The following CLCN6 variants were observed in gnomAD, a reference collection of about 807,000 sequenced individuals.
CLCN6 encodes the protein Cl-/H+ antiporter 6, also known as H(+)/Cl(-) exchange transporter 6.
In CLCN6, 70 loss-of-function variants were observed where a neutral mutation model predicts 109.8. The ratio of observed to expected loss-of-function variants is 0.64; its 90% CI spans 0.53 to 0.78. The LOEUF (loss-of-function observed/expected upper bound fraction) is 0.78. Ranked by LOEUF, CLCN6 falls within the 30% of genes least tolerant of loss-of-function variation. CLCN6 has a pLI of 0.00. For synonymous variants in CLCN6, 444 were observed against 447.8 expected, an observed-to-expected ratio of 0.99 and a Z score of 0.11; for missense variants, 984 against 1,142.3, an observed-to-expected ratio of 0.86 and a Z score of 2.00.
intron 2 of CLCN6, among the ~76,000 whole-genome samples, chr1:11,813,671 G>A (rs974146612): frequency 1.3e-5 from 2 of 152,144 alleles, no homozygotes; most frequent in African/African-American, 2.4e-5. Flanking sequence ...AATTACAGAC[G>A]TGAGCCATCA....
chr1:11,826,944 G>C (rs1644819056), intron 9 of CLCN6, 145 bp from the exon 10 acceptor site: 4 of 946,500 alleles, frequency 4.2e-6, no homozygotes, highest in Admixed American at 2.9e-5. Context: ...CGCGGCAAAG[G>C]CTGCCTCACC....
intron 4 of CLCN6, among the ~76,000 whole-genome samples, chr1:11,819,212 A>G (rs1176143252): frequency 1.3e-5 from 2 of 152,108 alleles, no homozygotes; most frequent in Admixed American, 6.6e-5. Context: ...TTGGTCTCAC[A>G]TCTTTTTCTG....
In CLCN6 at chr1:11,827,340, A is replaced by G. The variant is rs1019560104; in HGVS notation, c.840+119A>G. On this transcript the variant is annotated intron_variant, in intron 10 of 22. Coordinates refer to ENST00000346436, the MANE Select transcript of CLCN6 (RefSeq NM_001286.5). ...CTGGGGGGTCAACTGGATCAGAAAC[A>G]GCTTTCCTCTTGTGCCCATAACCTC... 2.0e-5 allele frequency: 21 copies of G among 1,066,038 alleles called. No individual in the cohort carries two copies. In the African/African-American group the frequency reaches 3.2e-4, roughly 16 times the overall value. 66.0% of individuals were successfully genotyped at this position (1,066,038 alleles called of 1,614,324 possible).
At chr1:11,827,246 A>C in intron 10 of CLCN6, 25 bp downstream of exon 10, 1 of 1,600,844 alleles carries the variant, frequency 6.2e-7, no homozygotes, top group South Asian at 1.1e-5. Context: ...CAGTGAAAGC[A>C]TTAACCACAC....
intron 2 of CLCN6, among the ~76,000 whole-genome samples, chr1:11,812,664 TTGTGTGTGTG>T (rs61487985): frequency 0.22 from 27,413 of 126,802 alleles, 3,459 homozygotes; most frequent in Non-Finnish European, 0.29. Context: ...CAAAGTATGT[TTGTGTGTGTG>T]TGTGTGTGTG....
Position 11,826,204 on chromosome 1 carries a change from C to T in CLCN6, c.697C>T (p.Arg233Ter). 4 of 1,613,594 alleles carry T rather than the reference C, an allele frequency of 2.5e-6. No individual in the cohort carries two copies. Among genetic ancestry groups the T allele is most frequent in the African/African-American group, 1.3e-5 (1 of 75,036 alleles). ...GATCCAGTTTAACTTCCCCTATTTC[C>T]GAAGCGACAGGTATGGAAAGGTTAG... ...RKIQFNFPYF[R>*]SDRDKRDFVS... The change falls in exon 9 of 23, where the codon CGA becomes TGA. Residue 233 changes from arginine (R) to a stop codon, truncating the protein, a stop_gained. Coordinates refer to ENST00000346436, the MANE Select transcript of CLCN6 (RefSeq NM_001286.5). LOFTEE classifies it high-confidence loss of function.
intron 10 of CLCN6, 83 bp from the exon 11 acceptor site, chr1:11,828,023 C>A: frequency 1.0e-6 from 1 of 982,440 alleles, no homozygotes; most frequent in Non-Finnish European, 1.6e-6. Context: ...CTGCGTAGAG[C>A]AGTGGGTACC....
rs540404791 is a variant in CLCN6 at position 11,833,142 on chromosome 1, G to A, written c.1249-373G>A. Among the ~76,000 whole-genome samples, 5 of 152,094 alleles carry A rather than the reference G, an allele frequency of 3.3e-5. No individual in the cohort carries two copies. In the East Asian group the frequency reaches 7.7e-4, roughly 24 times the overall value. ...CTCCCCAGATACCTGTCAACTCCCA[G>A]TCACTTGCTCTCACCTGCCTCATAT... On this transcript the variant is annotated intron_variant, in intron 13 of 22. Coordinates refer to ENST00000346436, the MANE Select transcript of CLCN6 (RefSeq NM_001286.5).
chr1:11,816,241 C>T (rs1198145436), intron 3 of CLCN6, among the ~76,000 whole-genome samples: 1 of 152,160 alleles, frequency 6.6e-6, no homozygotes, highest in Non-Finnish European at 1.5e-5. Context: ...ACTTTATAGA[C>T]CTCAGTATAG....
chr1:11,838,870 C>A (rs534509281), intron 22 of CLCN6: 3 of 753,738 alleles, frequency 4.0e-6, no homozygotes, highest in Admixed American at 2.0e-5. Context: ...TCCCACTGGC[C>A]GTCCTTTCCA....
intron 1 of CLCN6, 30 bp downstream of exon 1, chr1:11,806,379 G>T (rs752992918): frequency 6.7e-7 from 1 of 1,484,152 alleles, no homozygotes; most frequent in Non-Finnish European, 8.9e-7. Context: ...GGCCTGGGGA[G>T]GGGGCGGTTG....
rs753908350 is a variant in CLCN6 at position 11,829,176 on chromosome 1, A to G, written c.1122-20A>G. ...GAGCTTCTTTCTGTGGCGTTGTAAC[A>G]GCTGTGCTTTGCCTCCTAGAGTCTT... On this transcript the variant is annotated intron_variant, in intron 12 of 22. Transcript: ENST00000346436. The G allele has an allele frequency of 6.2e-7, 1 of 1,611,188 alleles. No individual in the cohort carries two copies. Among genetic ancestry groups the G allele is most frequent in the Non-Finnish European group, 8.5e-7 (1 of 1,178,292 alleles).
intron 2 of CLCN6, among the ~76,000 whole-genome samples, chr1:11,809,958 T>C (rs964985847): frequency 6.6e-6 from 1 of 152,042 alleles, no homozygotes; most frequent in African/African-American, 2.4e-5. Context: ...GGGGAGTGAG[T>C]GGGACAGGTT....
At chr1:11,828,259 C>T in intron 11 of CLCN6, 40 bp downstream of exon 11, 1 of 1,569,684 alleles carries the variant, frequency 6.4e-7, no homozygotes. Context: ...TAATTTGACC[C>T]ATGAAAATTT....
chr1:11,838,341 A>G lies in CLCN6; in HGVS notation c.2302A>G (p.Ser768Gly), dbSNP rs570949298. 1.2e-6 allele frequency: 2 copies of G among 1,613,662 alleles called. No homozygotes were observed. Among genetic ancestry groups the G allele is most frequent in the Admixed American group, 1.7e-5 (1 of 60,030 alleles). ...VCYSESQSSA[S>G]QPRLSYAEMA... ...GTCTGGGTTGGAATTGCAGAGCGCC[A>G]GCCAGCCGCGCCTCTCCTATGCCGA... The change falls in exon 21 of 23, where the codon AGC (serine) becomes GGC (glycine). Residue 768 changes from serine to glycine, a missense_variant. Physicochemically the swap from Ser to Gly is moderately conservative, Grantham distance 56 (BLOSUM62 0). Transcript: ENST00000346436.
At chr1:11,830,811 CACA>C (rs1644874070) in intron 13 of CLCN6, among the ~76,000 whole-genome samples, 1 of 130,094 alleles carries the variant, frequency 7.7e-6, no homozygotes, top group Non-Finnish European at 1.6e-5. Flanking sequence ...CACACACACA[CACA>C]AACACACATT....
intron 2 of CLCN6, among the ~76,000 whole-genome samples, 185 bp downstream of exon 2, chr1:11,807,375 A>G (rs1181773376): frequency 6.6e-6 from 1 of 152,216 alleles, no homozygotes; most frequent in Admixed American, 6.5e-5. Context: ...TAACCCCAAA[A>G]CAAGGTCTGG....
chr1:11,833,534 C>G lies in CLCN6; in HGVS notation c.1268C>G (p.Ser423Ter). Residue 423 changes from serine to a stop codon, truncating the protein, a stop_gained, in exon 14 of 23, where the codon TCA (serine) becomes TGA (stop). Transcript: ENST00000346436. LOFTEE classifies it high-confidence loss of function. ...FQLQVTEDVN[S>*]SIKTFFCPND... is the part of the protein sequence containing the mutation. Reference sequence around the variant, plus strand: ...TCTCAGGTCACAGAAGATGTGAATTCAAGTATCAAGACATTTTTTTGTCCC... The same window carrying G: ...TCTCAGGTCACAGAAGATGTGAATTGAAGTATCAAGACATTTTTTTGTCCC... 6.2e-7 allele frequency: 1 copy of G among 1,613,892 alleles called. No individual in the cohort carries two copies. The highest frequency in any genetic ancestry group is 1.3e-5 in the African/African-American group (1 of 75,000).
chr1:11,832,518 C>T (rs1644894431), intron 13 of CLCN6, among the ~76,000 whole-genome samples: 1 of 152,272 alleles, frequency 6.6e-6, no homozygotes, highest in East Asian at 1.9e-4. Flanking sequence ...ACATGGCTCA[C>T]CAGTGCCAGG....
Sources: gnomAD v4.1 joint callset for allele counts (sites outside exome capture counted in the v4.1 genomes callset) on GRCh38, gnomAD v4.1.1 for gene constraint, MANE v1.5 for transcripts, NCBI Gene and HGNC (gene_info 2026-07-23, HGNC 2026-07-21) for gene names.